LRMDA: variants seen among roughly 807,000 people sequenced by gnomAD.
LRMDA encodes leucine rich melanocyte differentiation associated.
LRMDA carries 18 observed loss-of-function variants against 29.8 expected under a neutral mutation model. The ratio of observed to expected loss-of-function variants is 0.60; its 90% CI spans 0.42 to 0.90. LRMDA has a LOEUF of 0.90. LRMDA is among the 40% of genes least tolerant of loss of function. LRMDA has a pLI of 0.00. For synonymous variants in LRMDA, 125 were observed against 109.4 expected, an observed-to-expected ratio of 1.14 and a Z score of -0.89; for missense variants, 273 against 273.9, an observed-to-expected ratio of 1.00 and a Z score of 0.02.
chr10:75,508,273 CT>C (rs1436401421), intron 2 of LRMDA, among the ~76,000 whole-genome samples: 10 of 152,016 alleles, frequency 6.6e-5, no homozygotes, highest in South Asian at 2.1e-4. Flanking sequence ...TTTTCCCCCC[CT>C]CTCCCTTCCA....
chr10:76,134,212 G>C (rs1010935218), intron 5 of LRMDA, among the ~76,000 whole-genome samples: 2 of 152,164 alleles, frequency 1.3e-5, no homozygotes, highest in Non-Finnish European at 2.9e-5. Context: ...AGAGAATTTC[G>C]GGGGGAGCTG....
intron 2 of LRMDA, among the ~76,000 whole-genome samples, chr10:75,928,284 T>TG (rs1440234008): frequency 1.9e-4 from 3 of 15,822 alleles, no homozygotes; most frequent in African/African-American, 6.0e-4. Context: ...TTTTTAGTTT[T>TG]GGGTTTTTTT....
intron 6 of LRMDA, among the ~76,000 whole-genome samples, chr10:76,364,401 C>T (rs575505142): frequency 2.9e-3 from 447 of 152,116 alleles, no homozygotes; most frequent in Non-Finnish European, 5.4e-3. Context: ...ACTATATGGA[C>T]GTTAGGGATT....
At chr10:76,217,804 C>A (rs911189319) in intron 5 of LRMDA, among the ~76,000 whole-genome samples, 3 of 152,144 alleles carry the variant, frequency 2.0e-5, no homozygotes, top group Non-Finnish European at 4.4e-5. Context: ...ATATTAAATA[C>A]AAACAGTGCA....
At position 76,004,877 on chromosome 10, in the gene LRMDA, G is replaced by A. The variant is rs201796134; in HGVS notation, c.132-31131G>A. On this transcript the variant is annotated intron_variant, in intron 2 of 6. Transcript: ENST00000611255. ...CGAGTAGCTGGGACTACAGGCGCCT[G>A]CCACCACACCTGGTTAATTTTTTGT... is the stretch of plus-strand genomic sequence containing the variant. Among the ~76,000 whole-genome samples the A allele has an allele frequency of 4.6e-5, 7 of 152,066 alleles. No individual in the cohort carries two copies. In the East Asian group the frequency reaches 1.4e-3, roughly 29 times the overall value.
At chr10:76,050,361 A>T (rs186144340) in intron 4 of LRMDA, among the ~76,000 whole-genome samples, 2 of 152,164 alleles carry the variant, frequency 1.3e-5, no homozygotes, top group Admixed American at 1.3e-4. Context: ...TTCTTGGCAC[A>T]CATCCCCACC....
At chr10:76,048,986 GA>G (rs1404160736) in intron 4 of LRMDA, among the ~76,000 whole-genome samples, 1 of 152,118 alleles carries the variant, frequency 6.6e-6, no homozygotes, top group African/African-American at 2.4e-5. Context: ...AACTTATAGG[GA>G]GATGCAGGGA....
At chr10:75,564,327 C>A (rs532059453) in intron 2 of LRMDA, among the ~76,000 whole-genome samples, 3 of 152,298 alleles carry the variant, frequency 2.0e-5, no homozygotes, top group South Asian at 4.1e-4. Flanking sequence ...GGGCATAGGA[C>A]CCTCTGAGCC....
Position 76,555,223 on chromosome 10 carries a change from A to G in LRMDA, c.602-1986A>G, listed in dbSNP as rs549327670. ...TGGCATGGGTGACAATATTAGTACA[A>G]TGCTGATGGCTACATAATTCAGCAC... On this transcript the variant is annotated intron_variant, in intron 6 of 6. Coordinates refer to ENST00000611255, the MANE Select transcript of LRMDA (RefSeq NM_001305581.2). Among the ~76,000 whole-genome samples, 7 of 152,218 alleles carry G rather than the reference A, an allele frequency of 4.6e-5. No individual in the cohort carries two copies. The East Asian group carries it at 1.2e-3, about 25-fold the overall frequency.
intron 5 of LRMDA, among the ~76,000 whole-genome samples, chr10:76,168,124 C>T (rs1850773921): frequency 6.6e-6 from 1 of 152,210 alleles, no homozygotes; most frequent in African/African-American, 2.4e-5. Flanking sequence ...ATAAATTATA[C>T]ATTAAGCCCT....
intron 6 of LRMDA, among the ~76,000 whole-genome samples, chr10:76,455,427 C>G (rs939132096): frequency 5.3e-5 from 8 of 152,122 alleles, no homozygotes; most frequent in African/African-American, 1.9e-4. Context: ...GAGTATGCAT[C>G]GATGCTAATC....
intron 2 of LRMDA, among the ~76,000 whole-genome samples, chr10:75,645,722 G>T: frequency 6.6e-6 from 1 of 152,150 alleles, no homozygotes; most frequent in Non-Finnish European, 1.5e-5. Context: ...GAAAGGCTTG[G>T]ACTGAAGCAC....
chr10:75,759,414 C>T (rs1037949059), intron 2 of LRMDA, among the ~76,000 whole-genome samples: 22 of 152,186 alleles, frequency 1.4e-4, no homozygotes, highest in African/African-American at 5.1e-4. Context: ...TTCTGTTTCT[C>T]TCTGCTCTCT....
At chr10:75,570,649 C>G (rs914331603) in intron 2 of LRMDA, among the ~76,000 whole-genome samples, 2 of 152,182 alleles carry the variant, frequency 1.3e-5, no homozygotes, top group Non-Finnish European at 2.9e-5. Context: ...AACTCCTAGA[C>G]GAGCTTCAGA....
chr10:75,947,621 T>C (rs1282622358), intron 2 of LRMDA, among the ~76,000 whole-genome samples: 1 of 152,242 alleles, frequency 6.6e-6, no homozygotes, highest in African/African-American at 2.4e-5. Context: ...TCTTAAGTTC[T>C]CTGGTTTTTA....
intron 6 of LRMDA, among the ~76,000 whole-genome samples, chr10:76,428,760 A>C (rs1454312626): frequency 1.3e-5 from 2 of 152,196 alleles, no homozygotes; most frequent in African/African-American, 4.8e-5. Context: ...GCAAAAGCTC[A>C]AATAACTGTA....
At chr10:75,535,877 G>T (rs1233654954) in intron 2 of LRMDA, among the ~76,000 whole-genome samples, 2 of 152,166 alleles carry the variant, frequency 1.3e-5, no homozygotes, top group African/African-American at 4.8e-5. Context: ...AGTGGACCAG[G>T]CCAGGAGGCA....
chr10:75,936,539 G>T (rs1203909729), intron 2 of LRMDA, among the ~76,000 whole-genome samples: 1 of 152,046 alleles, frequency 6.6e-6, no homozygotes, highest in Non-Finnish European at 1.5e-5. Context: ...TCACTGTGTT[G>T]GTCTGTTTGG....
intron 2 of LRMDA, among the ~76,000 whole-genome samples, chr10:75,529,779 T>C (rs1845455707): frequency 6.6e-6 from 1 of 152,212 alleles, no homozygotes; most frequent in Non-Finnish European, 1.5e-5. Flanking sequence ...TACACAATTA[T>C]AGCATGAGGA....
Sources: allele counts gnomAD v4.1 joint callset (sites outside exome capture counted in the v4.1 genomes callset), GRCh38; gene constraint gnomAD v4.1.1; transcripts MANE v1.5; gene names NCBI Gene and HGNC (gene_info 2026-07-23, HGNC 2026-07-21).